The following TCF12 variants were observed in gnomAD, a reference collection of about 807,000 sequenced individuals.
TCF12 encodes transcription factor 12.
Under a neutral mutation model 86.0 loss-of-function variants are expected in TCF12, and 45 were observed. The observed-to-expected ratio is 0.52, with a 90% CI of 0.41 to 0.67. The LOEUF (loss-of-function observed/expected upper bound fraction) is 0.67, where lower values mean the gene tolerates loss of function less well. TCF12 is among the 30% of genes least tolerant of loss of function. The pLI, the probability that TCF12 is intolerant of heterozygous loss-of-function variation, is 0.00. For missense variants in TCF12, 881 were observed against 859.9 expected, an observed-to-expected ratio of 1.02 and a Z score of -0.31; for synonymous variants, 330 against 299.6, an observed-to-expected ratio of 1.10 and a Z score of -1.05.
At chr15:57,204,652 A>G (rs1246977992) in intron 8 of TCF12, among the ~76,000 whole-genome samples, 12 of 152,196 alleles carry the variant, frequency 7.9e-5, no homozygotes, top group Admixed American at 5.9e-4. Flanking sequence ...CAAACCATAA[A>G]GACTGCTAGA....
At position 57,215,640 on chromosome 15, in the gene TCF12, G is replaced by C. The variant is rs1374365075; in HGVS notation, c.580-15512G>C. Among the ~76,000 whole-genome samples, 4 of 152,072 alleles carry C rather than the reference G, an allele frequency of 2.6e-5. No individual in the cohort carries two copies. In the East Asian group the frequency reaches 7.7e-4, roughly 29 times the overall value. On this transcript the variant is annotated intron_variant, in intron 8 of 20. Transcript: ENST00000333725. ...AGTGGAATGTTGCCTGTTTGTTTTA[G>C]AAGAATATACAGTAAGATTAACCAC...
chr15:57,202,568 T>C (rs1248714885), intron 8 of TCF12, among the ~76,000 whole-genome samples: 1 of 151,920 alleles, frequency 6.6e-6, no homozygotes, highest in Non-Finnish European at 1.5e-5. Flanking sequence ...CCTGAGTAGC[T>C]GGGACTACAG....
At chr15:56,920,112 G>A in intron 2 of TCF12, 124 bp downstream of exon 2, 1 of 1,048,116 alleles carries the variant, frequency 9.5e-7, no homozygotes, top group Non-Finnish European at 1.4e-6. Context: ...AACTCCATCT[G>A]CTTTCTGCTT....
rs547428632 is a variant in TCF12 at position 57,021,901 on chromosome 15, C to T, written c.149-41849C>T. Among the ~76,000 whole-genome samples the T allele has an allele frequency of 7.6e-4, 116 of 152,102 alleles. 1 individual carries two copies. Among genetic ancestry groups the T allele is most frequent in the African/African-American group, 2.6e-3 (109 of 41,488 alleles). On this transcript the variant is annotated intron_variant, in intron 3 of 20. Coordinates refer to ENST00000333725, the MANE Select transcript of TCF12 (RefSeq NM_207037.2). ...TGTGCAGGGGTCTTTAATCAGTCCC[C>T]GGCTTGTACTGAGGGATGACTGTAT...
chr15:57,145,338 T>C (rs1222714522), intron 5 of TCF12, among the ~76,000 whole-genome samples: 4 of 152,238 alleles, frequency 2.6e-5, no homozygotes, highest in Admixed American at 2.0e-4. Flanking sequence ...ACTACATTTA[T>C]GACCTTTGGT....
rs1188621481 is a variant in TCF12 at position 57,253,264 on chromosome 15, G to C, written c.1263G>C (p.Gln421His). 6 of 1,613,706 alleles carry C rather than the reference G, an allele frequency of 3.7e-6. No homozygotes were observed. The highest frequency in any genetic ancestry group is 4.2e-6 in the Non-Finnish European group (5 of 1,179,872). The stretch of plus-strand genomic sequence containing the variant: ...TGTTTTTTTTTTAATCCATACAGCA[G>C]TCTCGAATGGAGGATCGTTTAGACA... ...AMSFLKDVCE[Q>H]SRMEDRLDRL... The change falls in exon 16 of 21, where the codon CAG becomes CAC. Residue 421 changes from glutamine to histidine, a missense_variant and splice_region_variant. Gln to His is a conservative substitution (Grantham distance 24). Around this residue, in one of 3 missense-constraint regions of TCF12, gnomAD observed 766 missense variants for 718.9 expected, o/e 1.07. Coordinates refer to ENST00000333725, the MANE Select transcript of TCF12 (RefSeq NM_207037.2).
chr15:57,079,102 A>G (rs1479131119), intron 4 of TCF12, among the ~76,000 whole-genome samples: 1 of 152,230 alleles, frequency 6.6e-6, no homozygotes, highest in Non-Finnish European at 1.5e-5. Flanking sequence ...AGTTTGGACT[A>G]AATGTCTGAA....
At position 57,183,661 on chromosome 15, in the gene TCF12, G is replaced by A. The variant is rs573200009; in HGVS notation, c.391-8497G>A. Among the ~76,000 whole-genome samples, 27 of 105,186 alleles carry A rather than the reference G, an allele frequency of 2.6e-4. No individual in the cohort carries two copies. In the South Asian group the frequency reaches 4.0e-3, roughly 16 times the overall value. The allele number at this position is 105,186 out of a possible 152,430, so 69.0% of individuals were successfully genotyped here. A position where few individuals can be genotyped will look rare whatever the true frequency, so the allele number is the denominator to read the frequency against. Reference sequence around the variant, plus strand: ...TCATTTATTTTGTAATATTTAGAATGTAGTGAGTTAATGGGGAAAGAAAAA... The same window carrying A: ...TCATTTATTTTGTAATATTTAGAATATAGTGAGTTAATGGGGAAAGAAAAA... On this transcript the variant is annotated intron_variant, in intron 6 of 20. Transcript: ENST00000333725.
chr15:57,071,554 G>C (rs2069383793), intron 4 of TCF12, among the ~76,000 whole-genome samples: 2 of 152,114 alleles, frequency 1.3e-5, no homozygotes, highest in Admixed American at 1.3e-4. Context: ...AGAATCTCTA[G>C]AGCCCGGGAG....
At chr15:57,006,361 G>C (rs572454242) in intron 3 of TCF12, among the ~76,000 whole-genome samples, 70 of 152,110 alleles carry the variant, frequency 4.6e-4, no homozygotes, top group African/African-American at 1.7e-3. Flanking sequence ...CTGGAGTCCA[G>C]TGGTGCTATC....
chr15:57,161,628 C>G (rs1232824002), intron 5 of TCF12, among the ~76,000 whole-genome samples: 2 of 152,058 alleles, frequency 1.3e-5, no homozygotes, highest in Admixed American at 6.6e-5. Flanking sequence ...TCCAGAGAAT[C>G]CCAGGACAGA....
At chr15:57,049,563 A>G (rs1379483808) in intron 3 of TCF12, among the ~76,000 whole-genome samples, 2 of 152,246 alleles carry the variant, frequency 1.3e-5, no homozygotes, top group African/African-American at 4.8e-5. Flanking sequence ...GTTGCTGAAT[A>G]GTAGTATTTC....
At chr15:57,044,411 A>G (rs1836903308) in intron 3 of TCF12, among the ~76,000 whole-genome samples, 1 of 152,038 alleles carries the variant, frequency 6.6e-6, no homozygotes, top group Non-Finnish European at 1.5e-5. Flanking sequence ...AAAAAAATTT[A>G]CCTGTGGATT....
chr15:56,966,590 T>G (rs1324580483), intron 3 of TCF12, among the ~76,000 whole-genome samples: 1 of 152,198 alleles, frequency 6.6e-6, no homozygotes, highest in Non-Finnish European at 1.5e-5. Flanking sequence ...CTGGGTATAG[T>G]TGATTGATTG....
intron 3 of TCF12, among the ~76,000 whole-genome samples, chr15:57,029,960 A>G (rs780726879): frequency 2.6e-5 from 4 of 152,116 alleles, no homozygotes; most frequent in Non-Finnish European, 5.9e-5. Flanking sequence ...GATGTACCAT[A>G]GTTTGTTTTT....
chr15:57,003,048 A>G (rs1407696532), intron 3 of TCF12, among the ~76,000 whole-genome samples: 1 of 152,232 alleles, frequency 6.6e-6, no homozygotes, highest in Non-Finnish European at 1.5e-5. Context: ...GAGGAACATG[A>G]TAATTTCCTA....
At chr15:57,285,225 T>G (rs376773778) in intron 20 of TCF12, among the ~76,000 whole-genome samples, 16 of 152,228 alleles carry the variant, frequency 1.1e-4, no homozygotes, top group Admixed American at 6.5e-4. Context: ...TCCTGTAATG[T>G]AGGCCAAGTA....
At chr15:57,125,204 G>C (rs929826048) in intron 5 of TCF12, among the ~76,000 whole-genome samples, 1 of 152,138 alleles carries the variant, frequency 6.6e-6, no homozygotes, top group Non-Finnish European at 1.5e-5. Context: ...TTTATATGCA[G>C]GGAAACCTAA....
intron 3 of TCF12, among the ~76,000 whole-genome samples, chr15:56,932,512 A>T (rs1162386428): frequency 6.6e-6 from 1 of 152,078 alleles, no homozygotes; most frequent in Non-Finnish European, 1.5e-5. Flanking sequence ...GAAGTCTTAA[A>T]TGGGGTACTG....
Sources: allele counts gnomAD v4.1 joint callset (sites outside exome capture counted in the v4.1 genomes callset), GRCh38; gene constraint gnomAD v4.1.1; regional missense constraint gnomAD v4.1.1; transcripts MANE v1.5; gene names NCBI Gene and HGNC (gene_info 2026-07-23, HGNC 2026-07-21).